The following PTPRN2 variants were observed in gnomAD, a reference collection of about 807,000 sequenced individuals.
PTPRN2 encodes protein tyrosine phosphatase receptor type N2.
In PTPRN2, 74 loss-of-function variants were observed where a neutral mutation model predicts 118.8. The observed-to-expected ratio is 0.62, with a 90% CI of 0.52 to 0.76. The LOEUF is 0.76. Among genes scored for constraint, PTPRN2 ranks in the 30% least tolerant of loss-of-function variants. PTPRN2 has a pLI of 0.00. For missense variants in PTPRN2, 1,481 were observed against 1,394.4 expected, an observed-to-expected ratio of 1.06 and a Z score of -0.99; for synonymous variants, 641 against 608.0, an observed-to-expected ratio of 1.05 and a Z score of -0.80.
At position 157,853,979 on chromosome 7, in the gene PTPRN2, G is replaced by A. The variant is rs558675156; in HGVS notation, c.1788+44694C>T. Reference sequence around the variant, plus strand: ...AAGACGGAGACGGCACCCACAAGCCGAGGAGAGAGATCTGGGACAGATTCT... The same window carrying A: ...AAGACGGAGACGGCACCCACAAGCCAAGGAGAGAGATCTGGGACAGATTCT... On this transcript the variant is annotated intron_variant, in intron 12 of 22. Coordinates refer to ENST00000389418, the MANE Select transcript of PTPRN2 (RefSeq NM_002847.5). Among the ~76,000 whole-genome samples the A allele has an allele frequency of 1.3e-3, 196 of 152,314 alleles. 1 individual carries two copies. Among genetic ancestry groups the A allele is most frequent in the African/African-American group, 4.5e-3 (188 of 41,570 alleles).
chr7:158,153,610 T>C (rs578009559), intron 6 of PTPRN2, among the ~76,000 whole-genome samples: 16 of 152,238 alleles, frequency 1.1e-4, no homozygotes, highest in African/African-American at 3.9e-4. Flanking sequence ...ACTTTTCCCG[T>C]TTCAACAGGA....
chr7:158,220,756 C>A (rs542625970), intron 3 of PTPRN2, among the ~76,000 whole-genome samples: 13 of 150,770 alleles, frequency 8.6e-5, no homozygotes, highest in African/African-American at 3.2e-4. Context: ...TAGGAAGAAT[C>A]AATATTGTTA....
chr7:158,096,804 G>C (rs993543933), intron 10 of PTPRN2, among the ~76,000 whole-genome samples: 2 of 152,232 alleles, frequency 1.3e-5, no homozygotes, highest in African/African-American at 4.8e-5. Context: ...TTGCCCGTGA[G>C]GGCCGGAGTC....
chr7:158,455,815 A>G (rs10233928), intron 2 of PTPRN2, among the ~76,000 whole-genome samples: 23,594 of 78,024 alleles, frequency 0.3, 3,842 homozygotes, highest in Admixed American at 0.43. Context: ...ATAACGGCAC[A>G]GATGCCATCG....
chr7:158,433,514 A>G (rs973239944), intron 2 of PTPRN2, among the ~76,000 whole-genome samples: 1 of 152,354 alleles, frequency 6.6e-6, no homozygotes, highest in East Asian at 1.9e-4. Context: ...TGAAGTTTAC[A>G]GGCAAAAGCT....
At chr7:158,448,797 G>A (rs1475403800) in intron 2 of PTPRN2, among the ~76,000 whole-genome samples, 1 of 152,192 alleles carries the variant, frequency 6.6e-6, no homozygotes, top group East Asian at 1.9e-4. Flanking sequence ...CCACTAGAAC[G>A]AGACTGGACT....
At chr7:158,331,056 G>A (rs1350319413) in intron 2 of PTPRN2, among the ~76,000 whole-genome samples, 10 of 140,636 alleles carry the variant, frequency 7.1e-5, no homozygotes, top group African/African-American at 1.9e-4. Context: ...ACCTGCAGAC[G>A]TCACTCACAC....
At chr7:158,573,667 G>A (rs1234448054) in intron 1 of PTPRN2, among the ~76,000 whole-genome samples, 1 of 152,216 alleles carries the variant, frequency 6.6e-6, no homozygotes, top group Non-Finnish European at 1.5e-5. Context: ...CTGGACCAGA[G>A]ACTCTTTTCC....
At chr7:158,350,277 C>T (rs1181598367) in intron 2 of PTPRN2, among the ~76,000 whole-genome samples, 6 of 152,204 alleles carry the variant, frequency 3.9e-5, no homozygotes, top group Admixed American at 3.9e-4. Flanking sequence ...CTCCCTCTGG[C>T]AGGAACAAAC....
chr7:157,579,883 T>G (rs1314730269), intron 17 of PTPRN2, among the ~76,000 whole-genome samples: 1 of 152,230 alleles, frequency 6.6e-6, no homozygotes, highest in Admixed American at 6.5e-5. Context: ...ACTGATTACA[T>G]TATCTTGTGT....
chr7:158,129,887 G>A (rs559335933), intron 9 of PTPRN2, among the ~76,000 whole-genome samples: 2 of 152,290 alleles, frequency 1.3e-5, no homozygotes, highest in African/African-American at 4.8e-5. Flanking sequence ...GGCACAGACA[G>A]ACACGTGGGA....
At chr7:158,053,730 A>G (rs143221375) in intron 11 of PTPRN2, among the ~76,000 whole-genome samples, 232 of 150,546 alleles carry the variant, frequency 1.5e-3, no homozygotes, top group African/African-American at 5.4e-3. Flanking sequence ...CCAGAGATGC[A>G]GAGACCCTAG....
At chr7:157,770,989 C>T (rs78298604) in intron 12 of PTPRN2, among the ~76,000 whole-genome samples, 2,961 of 152,352 alleles carry the variant, frequency 0.019, 90 homozygotes, top group African/African-American at 0.067. Context: ...AGAAGTAACG[C>T]CCTGCCAGTT....
intron 1 of PTPRN2, among the ~76,000 whole-genome samples, chr7:158,512,089 T>C (rs562536861): frequency 6.6e-6 from 1 of 152,260 alleles, no homozygotes; most frequent in Non-Finnish European, 1.5e-5. Context: ...CAGAATGCCA[T>C]GCAGACGGTG....
chr7:158,538,583 G>A (rs1825787420), intron 1 of PTPRN2, among the ~76,000 whole-genome samples: 1 of 152,172 alleles, frequency 6.6e-6, no homozygotes, highest in Non-Finnish European at 1.5e-5. Flanking sequence ...CCCACCCATG[G>A]GACCTGCAGA....
In PTPRN2 at chr7:157,654,748, T is replaced by C. The variant is rs368825720; in HGVS notation, c.2196+1609A>G. ...ATGCCAAACACAATTCTCTGAGAAA[T>C]ACAGTATTTCCAGGTACCAATAGAG... On this transcript the variant is annotated intron_variant, in intron 14 of 22. Transcript: ENST00000389418. 1.5e-3 allele frequency among the ~76,000 whole-genome samples: 222 copies of C among 152,336 alleles called. 1 individual carries two copies. The highest frequency in any genetic ancestry group is 5.2e-3 in the African/African-American group (215 of 41,572).
chr7:158,285,917 T>C (rs996693695), intron 3 of PTPRN2, among the ~76,000 whole-genome samples: 3 of 151,874 alleles, frequency 2.0e-5, no homozygotes, highest in Non-Finnish European at 4.4e-5. Flanking sequence ...ACCTCTGAGG[T>C]TGGATCCAGC....
At chr7:158,383,162 A>G (rs1811092152) in intron 2 of PTPRN2, among the ~76,000 whole-genome samples, 1 of 152,072 alleles carries the variant, frequency 6.6e-6, no homozygotes, top group Non-Finnish European at 1.5e-5. Context: ...CTAACGTCCA[A>G]CAAGAGTTCA....
intron 14 of PTPRN2, among the ~76,000 whole-genome samples, chr7:157,633,344 T>C (rs945364558): frequency 1.3e-5 from 2 of 152,154 alleles, no homozygotes; most frequent in African/African-American, 2.4e-5. Context: ...GGTTTTACCA[T>C]GTTGGCCGGG....
Sources: gnomAD v4.1 joint callset for allele counts (sites outside exome capture counted in the v4.1 genomes callset) on GRCh38, gnomAD v4.1.1 for gene constraint, MANE v1.5 for transcripts, NCBI Gene and HGNC (gene_info 2026-07-23, HGNC 2026-07-21) for gene names.